MBD5: variants seen among roughly 807,000 people sequenced by gnomAD.
MBD5 encodes methyl-CpG-binding domain protein 5.
A neutral mutation model predicts 117.3 loss-of-function variants in MBD5; 13 were observed. The observed-to-expected ratio is 0.11, with a 90% confidence interval of 0.07 to 0.18. MBD5 has a LOEUF of 0.18. MBD5 is among the 10% of genes least tolerant of loss of function. The pLI is 1.00. For synonymous variants in MBD5, 727 were observed against 766.4 expected, an observed-to-expected ratio of 0.95 and a Z score of 0.85; for missense variants, 1,879 against 2,093.8, an observed-to-expected ratio of 0.90 and a Z score of 2.00.
intron 2 of MBD5, among the ~76,000 whole-genome samples, chr2:148,199,456 G>A (rs1437194854): frequency 6.6e-6 from 1 of 152,108 alleles, no homozygotes; most frequent in East Asian, 1.9e-4. Context: ...CAAATAAAAT[G>A]AATAAACTAA....
intron 4 of MBD5, among the ~76,000 whole-genome samples, chr2:148,405,415 A>G (rs531015693): frequency 2.0e-5 from 3 of 152,338 alleles, no homozygotes; most frequent in South Asian, 4.1e-4. Flanking sequence ...CCTATGCCCC[A>G]TGAATTATGA....
chr2:148,364,975 G>A (rs1703654319), intron 4 of MBD5, among the ~76,000 whole-genome samples: 1 of 152,132 alleles, frequency 6.6e-6, no homozygotes, highest in African/African-American at 2.4e-5. Flanking sequence ...ACTCAGCTCT[G>A]GACCAAGCAG....
In MBD5 at chr2:148,100,454, G is replaced by A. The variant is rs561077917; in HGVS notation, c.-924-78246G>A. Among the ~76,000 whole-genome samples, 4 of 152,154 alleles carry A rather than the reference G, an allele frequency of 2.6e-5. No homozygotes were observed. The East Asian group carries it at 7.7e-4, about 29-fold the overall frequency. ...TACCCCAAATTAGTGGAATAGAATAGCCATTTTATATACTCACAGATTGTG... is the reference window on the plus strand; with the variant it reads ...TACCCCAAATTAGTGGAATAGAATAACCATTTTATATACTCACAGATTGTG... On this transcript the variant is annotated intron_variant, in intron 1 of 13. Transcript: ENST00000642680.
intron 2 of MBD5, among the ~76,000 whole-genome samples, chr2:148,205,438 AAGT>A (rs1699253434): frequency 6.6e-6 from 1 of 152,198 alleles, no homozygotes; most frequent in Non-Finnish European, 1.5e-5. Context: ...CAAAAAATAA[AAGT>A]ATCAGCATAA....
chr2:148,122,489 A>G (rs1255753309), intron 1 of MBD5, among the ~76,000 whole-genome samples: 1 of 152,194 alleles, frequency 6.6e-6, no homozygotes, highest in African/African-American at 2.4e-5. Flanking sequence ...TTACGAAGGC[A>G]GGGAGGTACA....
intron 1 of MBD5, among the ~76,000 whole-genome samples, chr2:148,156,376 A>G (rs1222993513): frequency 6.6e-6 from 1 of 152,204 alleles, no homozygotes; most frequent in Admixed American, 6.5e-5. Flanking sequence ...CCCAGAAGAA[A>G]CATCTCAAGT....
chr2:148,451,994 A>T (rs1706741280), intron 4 of MBD5, among the ~76,000 whole-genome samples: 2 of 152,184 alleles, frequency 1.3e-5, no homozygotes, highest in South Asian at 4.1e-4. Flanking sequence ...ACTGAGCACA[A>T]GATCATTGTG....
chr2:148,271,368 A>G (rs1018449033), intron 3 of MBD5, among the ~76,000 whole-genome samples: 1 of 152,178 alleles, frequency 6.6e-6, no homozygotes, highest in Non-Finnish European at 1.5e-5. Context: ...TACATCTGTT[A>G]TATTGGTTAA....
At chr2:148,049,688 C>A (rs1380178514) in intron 1 of MBD5, among the ~76,000 whole-genome samples, 1 of 152,138 alleles carries the variant, frequency 6.6e-6, no homozygotes, top group African/African-American at 2.4e-5. Flanking sequence ...TGAAAAGAAA[C>A]CCTATACCTG....
intron 1 of MBD5, among the ~76,000 whole-genome samples, chr2:148,060,842 A>G (rs1330872709): frequency 6.6e-6 from 1 of 152,106 alleles, no homozygotes; most frequent in Admixed American, 6.5e-5. Context: ...TCTGCTGTTT[A>G]TCTCATTGCC....
chr2:148,107,032 C>CTA (rs1258217448), intron 1 of MBD5, among the ~76,000 whole-genome samples: 1 of 151,992 alleles, frequency 6.6e-6, no homozygotes, highest in African/African-American at 2.4e-5. Flanking sequence ...CCTACTTACT[C>CTA]TATCTGGTAT....
intron 1 of MBD5, among the ~76,000 whole-genome samples, chr2:148,031,306 A>G (rs1252201452): frequency 6.6e-6 from 1 of 151,408 alleles, no homozygotes; most frequent in Non-Finnish European, 1.5e-5. Flanking sequence ...CCTTTGTAAA[A>G]TAACATTAAA....
intron 4 of MBD5, among the ~76,000 whole-genome samples, chr2:148,364,262 A>G (rs865957701): frequency 6.6e-6 from 1 of 152,232 alleles, no homozygotes; most frequent in Non-Finnish European, 1.5e-5. Flanking sequence ...TAAGCGAAGG[A>G]TAAATAAAAT....
intron 3 of MBD5, among the ~76,000 whole-genome samples, chr2:148,324,045 A>T (rs1471910543): frequency 7.2e-5 from 11 of 152,176 alleles, no homozygotes; most frequent in African/African-American, 2.2e-4. Context: ...GGATCCAGTT[A>T]CAGCTTTTTA....
At chr2:148,196,393 A>T (rs1558967871) in intron 2 of MBD5, among the ~76,000 whole-genome samples, 1 of 152,294 alleles carries the variant, frequency 6.6e-6, no homozygotes, top group East Asian at 1.9e-4. Flanking sequence ...CTACTAAAAA[A>T]AAATGGTTTC....
rs1682308784 is a variant in MBD5 at position 148,514,907 on chromosome 2, A to G, written c.*1966A>G. ...GGCTACCCTGGGCTTCATGACCTCA[A>G]AGTAGGAACCCTTCGTTCTGGGGGT... On this transcript the variant is annotated 3_prime_UTR_variant, in exon 14 of 14. Transcript: ENST00000642680. 6.6e-6 allele frequency: 1 copy of G among 152,120 alleles called. No individual in the cohort carries two copies. The highest frequency in any genetic ancestry group is 2.1e-4 in the South Asian group (1 of 4,824). 9.4% of individuals were successfully genotyped at this position (152,120 alleles called of 1,614,324 possible).
chr2:148,294,502 T>TTTTTTTTTTTTTTTTTTTTTTTTTTTG (rs1701593478), intron 3 of MBD5, among the ~76,000 whole-genome samples: 1 of 13,532 alleles, frequency 7.4e-5, no homozygotes, highest in Admixed American at 7.2e-4. Flanking sequence ...GGGATTACAG[T>TTTTTTTTTTTTTTTTTTTTTTTTTTTG]TTTTTTTTTT....
At chr2:148,427,337 A>T (rs1228305642) in intron 4 of MBD5, among the ~76,000 whole-genome samples, 1 of 152,210 alleles carries the variant, frequency 6.6e-6, no homozygotes. Context: ...AAGCTGCTAT[A>T]AAGACACATG....
intron 7 of MBD5, among the ~76,000 whole-genome samples, chr2:148,466,204 T>A (rs1211793592): frequency 6.6e-6 from 1 of 152,164 alleles, no homozygotes; most frequent in Non-Finnish European, 1.5e-5. Context: ...TCCCATTATT[T>A]AAATACATAA....
Sources: allele counts gnomAD v4.1 joint callset (sites outside exome capture counted in the v4.1 genomes callset), GRCh38; gene constraint gnomAD v4.1.1; transcripts MANE v1.5; gene names NCBI Gene and HGNC (gene_info 2026-07-23, HGNC 2026-07-21).